The following TDRD15 variants were observed in gnomAD, a reference collection of about 807,000 sequenced individuals.
TDRD15 encodes tudor domain containing 15, also known as tudor domain-containing protein 15.
For missense variants in TDRD15, 1,416 were observed against 904.7 expected (o/e 1.57, Z -7.25); for synonymous variants, 503 against 314.5 (o/e 1.60, Z -6.34).
chr2:21,143,031 C>G lies in TDRD15; in HGVS notation c.5564C>G (p.Pro1855Arg). Reference sequence around the variant, plus strand: ...CCATGTATTTTATATGGTATCTTACCTGCTAAAGGAAAACATTGGAGTGAA... The same window carrying G: ...CCATGTATTTTATATGGTATCTTACGTGCTAAAGGAAAACATTGGAGTGAA... The part of the protein sequence containing the change: ...SYPCILYGIL[P>R]AKGKHWSEEA... The change falls in exon 4 of 4, where the codon CCT becomes CGT. Residue 1855 changes from proline (P) to arginine (R), a missense_variant. Physicochemically the swap from Pro to Arg is moderately radical, Grantham distance 103. Coordinates refer to ENST00000405799, the MANE Select transcript of TDRD15 (RefSeq NM_001306137.2). 1.4e-6 allele frequency: 1 copy of G among 691,960 alleles called. No homozygotes were observed. Among genetic ancestry groups the G allele is most frequent in the Non-Finnish European group, 2.7e-6 (1 of 376,440 alleles). 42.9% of individuals were successfully genotyped at this position (691,960 alleles called of 1,614,324 possible). A position where few individuals can be genotyped will look rare whatever the true frequency, so the allele number is the denominator to read the frequency against.
chr2:21,132,896 T>G (rs1665746888), intron 2 of TDRD15, among the ~76,000 whole-genome samples: 1 of 152,148 alleles, frequency 6.6e-6, no homozygotes, highest in Non-Finnish European at 1.5e-5. Flanking sequence ...AATTCTTTGT[T>G]TGTGGAAGAA....
chr2:21,141,467 A>C lies in TDRD15; in HGVS notation c.4000A>C (p.Arg1334=). The change falls in exon 4 of 4, where the codon AGA becomes CGA. Residue 1334 remains arginine (R), a synonymous_variant. Transcript: ENST00000405799. ...TGATGCTCTAAATGCAACAGCAAGG[A>C]GATTGAGAGAGAGAAAATCAGTTAA... is the stretch of plus-strand genomic sequence containing the variant. ...LADALNATAR[R]LRERKSVKPL... is the part of the protein sequence containing the mutation. 1 of 713,704 alleles carries C rather than the reference A, an allele frequency of 1.4e-6. No homozygotes were observed. Among genetic ancestry groups the C allele is most frequent in the Non-Finnish European group, 2.6e-6 (1 of 383,322 alleles). 44.2% of individuals were successfully genotyped at this position (713,704 alleles called of 1,614,324 possible).
chr2:21,134,136 C>T (rs1268499138), intron 2 of TDRD15, among the ~76,000 whole-genome samples: 1 of 151,604 alleles, frequency 6.6e-6, no homozygotes, highest in Non-Finnish European at 1.5e-5. Flanking sequence ...AATATATATT[C>T]TATAGAATCA....
In TDRD15 at chr2:21,140,858, A is replaced by G. The variant is rs1558300666; in HGVS notation, c.3391A>G (p.Ile1131Val). 4.2e-6 allele frequency: 3 copies of G among 711,788 alleles called. No homozygotes were observed. Among genetic ancestry groups the G allele is most frequent in the Non-Finnish European group, 7.8e-6 (3 of 382,748 alleles). 44.1% of individuals were successfully genotyped at this position (711,788 alleles called of 1,614,324 possible). ...GIELYDGSQY[I>V]NEKIKVLLHA... Reference sequence around the variant, plus strand: ...AGAATTGTATGATGGATCTCAATATATAAATGAGAAAATTAAAGTGTTGCT... The same window carrying G: ...AGAATTGTATGATGGATCTCAATATGTAAATGAGAAAATTAAAGTGTTGCT... The change falls in exon 4 of 4, where the codon ATA becomes GTA. Residue 1131 changes from isoleucine (I) to valine (V), a missense_variant. Coordinates refer to ENST00000405799, the MANE Select transcript of TDRD15 (RefSeq NM_001306137.2).
intron 2 of TDRD15, among the ~76,000 whole-genome samples, chr2:21,133,852 A>G (rs1665761358): frequency 6.6e-6 from 1 of 152,078 alleles, no homozygotes; most frequent in African/African-American, 2.4e-5. Flanking sequence ...TGCTAAGTGT[A>G]AAATGTACAC....
At chr2:21,125,770 C>T (rs1665578034) in intron 1 of TDRD15, among the ~76,000 whole-genome samples, 1 of 152,114 alleles carries the variant, frequency 6.6e-6, no homozygotes, top group African/African-American at 2.4e-5. Context: ...TTGTTTGATA[C>T]ATACCCGTCA....
At chr2:21,129,221 G>C (rs1373324847) in intron 2 of TDRD15, among the ~76,000 whole-genome samples, 1 of 152,098 alleles carries the variant, frequency 6.6e-6, no homozygotes, top group African/African-American at 2.4e-5. Context: ...TTTTTGTGTG[G>C]ATGTGTTTTC....
At chr2:21,136,544 G>A (rs1373620810) in intron 3 of TDRD15, among the ~76,000 whole-genome samples, 1 of 151,922 alleles carries the variant, frequency 6.6e-6, no homozygotes, top group East Asian at 1.9e-4. Flanking sequence ...TTTTGAGGGG[G>A]AAGGCATCCA....
intron 1 of TDRD15, among the ~76,000 whole-genome samples, chr2:21,124,441 G>GGTGTGT (rs1167399863): frequency 1.4e-5 from 2 of 147,612 alleles, no homozygotes; most frequent in Non-Finnish European, 3.0e-5. Flanking sequence ...CTAATGTCAG[G>GGTGTGT]GTGTGTGTGT....
At chr2:21,144,552 A>G (rs1666002832), downstream of TDRD15, among the ~76,000 whole-genome samples, 1 of 151,864 alleles carries the variant, frequency 6.6e-6, no homozygotes, top group African/African-American at 2.4e-5. Context: ...CTTTCCTGAT[A>G]GCAGTAGTGG....
chr2:21,144,275 G>A lies in TDRD15; in HGVS notation c.*1003G>A, dbSNP rs761347328. Among the ~76,000 whole-genome samples, 9 of 151,700 alleles carry A rather than the reference G, an allele frequency of 5.9e-5. No individual in the cohort carries two copies. The highest frequency in any genetic ancestry group is 1.3e-4 in the Admixed American group (2 of 15,176). On this transcript the variant is annotated 3_prime_UTR_variant, in exon 4 of 4. Transcript: ENST00000405799. Reference sequence around the variant, plus strand: ...TTTATCCACATTACATTCATTTTCTGTATGGATTAGTTACTGAGGATTTTG... The same window carrying A: ...TTTATCCACATTACATTCATTTTCTATATGGATTAGTTACTGAGGATTTTG...
Position 21,138,143 on chromosome 2 carries a change from A to G in TDRD15, c.676A>G (p.Ile226Val). 1.4e-6 allele frequency: 1 copy of G among 716,652 alleles called. No homozygotes were observed. Among genetic ancestry groups the G allele is most frequent in the Non-Finnish European group, 2.6e-6 (1 of 384,452 alleles). The allele number at this position is 716,652 out of a possible 1,614,324, so 44.4% of individuals were successfully genotyped here. ...SLGNKDTSLD[I>V]QHVLDKLQPS... is the part of the protein sequence containing the mutation. ...AGGTAATAAAGATACTTCACTTGAT[A>G]TTCAGCATGTTCTGGATAAGTTGCA... The change falls in exon 4 of 4, where the codon ATT (isoleucine) becomes GTT (valine). Residue 226 changes from isoleucine (I) to valine (V), a missense_variant. Transcript: ENST00000405799.
At chr2:21,124,466 C>T (rs1199062753) in intron 1 of TDRD15, among the ~76,000 whole-genome samples, 6 of 142,182 alleles carry the variant, frequency 4.2e-5, no homozygotes, top group African/African-American at 1.6e-4. Flanking sequence ...CAGAGTGATC[C>T]TAATGCCAGG....
At chr2:21,124,783 A>ATG (rs1332639649) in intron 1 of TDRD15, among the ~76,000 whole-genome samples, 21 of 33,646 alleles carry the variant, frequency 6.2e-4, no homozygotes, top group African/African-American at 2.2e-3. Flanking sequence ...ATGCCAGGGT[A>ATG]TGTGTGTGTG....
chr2:21,130,122 A>T (rs1384231696), intron 2 of TDRD15, among the ~76,000 whole-genome samples: 1 of 152,202 alleles, frequency 6.6e-6, no homozygotes, highest in Non-Finnish European at 1.5e-5. Flanking sequence ...CATCTCAATG[A>T]TTAAGTTGCA....
chr2:21,127,067 A>G (rs1382544654), intron 1 of TDRD15, among the ~76,000 whole-genome samples: 2 of 152,202 alleles, frequency 1.3e-5, no homozygotes, highest in East Asian at 1.9e-4. Flanking sequence ...CTTGATAACA[A>G]TGATATTAAG....
intron 2 of TDRD15, among the ~76,000 whole-genome samples, chr2:21,132,020 G>C (rs930071308): frequency 6.6e-6 from 1 of 152,116 alleles, no homozygotes; most frequent in African/African-American, 2.4e-5. Context: ...AGAGTAGTCA[G>C]GGAATGCGTC....
At position 21,124,815 on chromosome 2, in the gene TDRD15, AG is replaced by A. The variant is rs1443792874; in HGVS notation, c.-201+772del. ...TGTGTGACAGAGTGATCCTAATGCC[AG>A]GGTGTGTGTGTGTGTGTGTGTGTGA... On this transcript the variant is annotated intron_variant, in intron 1 of 3. Coordinates refer to ENST00000405799, the MANE Select transcript of TDRD15 (RefSeq NM_001306137.2). Among the ~76,000 whole-genome samples, 404 of 68,934 alleles carry A rather than the reference AG, an allele frequency of 5.9e-3. 4 individuals carry two copies. The highest frequency in any genetic ancestry group is 0.024 in the Middle Eastern group (2 of 84). The allele number at this position is 68,934 out of a possible 152,430, so 45.2% of individuals were successfully genotyped here.
intron 2 of TDRD15, among the ~76,000 whole-genome samples, chr2:21,129,324 G>C (rs936945925): frequency 5.9e-5 from 9 of 152,154 alleles, no homozygotes; most frequent in Non-Finnish European, 1.3e-4. Context: ...CCGTTTTACA[G>C]GTGCAGATTG....
Sources: allele counts gnomAD v4.1 joint callset (sites outside exome capture counted in the v4.1 genomes callset), GRCh38; gene constraint gnomAD v4.1.1; transcripts MANE v1.5; gene names NCBI Gene and HGNC (gene_info 2026-07-23, HGNC 2026-07-21).